Variants in LONP2 observed in about 807,000 individuals in gnomAD.
LONP2 encodes the protein lon protease homolog 2, peroxisomal.
A neutral mutation model predicts 85.6 loss-of-function variants in LONP2; 60 were observed. The observed-to-expected ratio is 0.70, with a 90% confidence interval of 0.57 to 0.87. The LOEUF (loss-of-function observed/expected upper bound fraction) is 0.87, where lower values mean the gene tolerates loss of function less well. LONP2 is among the 40% of genes least tolerant of loss of function. LONP2 has a pLI of 0.00. For missense variants in LONP2, 860 were observed against 1,063.5 expected, an observed-to-expected ratio of 0.81 and a Z score of 2.66; for synonymous variants, 395 against 389.7, an observed-to-expected ratio of 1.01 and a Z score of -0.16.
chr16:48,250,255 G>A (rs1251132698), intron 1 of LONP2, among the ~76,000 whole-genome samples: 2 of 151,630 alleles, frequency 1.3e-5, no homozygotes, highest in Admixed American at 6.6e-5. Flanking sequence ...GGCCAAGGTG[G>A]GCGAATCATG....
At chr16:48,348,457 AAAG>A (rs1358387922) in intron 14 of LONP2, among the ~76,000 whole-genome samples, 167 bp downstream of exon 14, 1 of 151,472 alleles carries the variant, frequency 6.6e-6, no homozygotes, top group African/African-American at 2.4e-5. Flanking sequence ...TGATCAAATA[AAAG>A]AAAAACTGAC....
At chr16:48,318,840 C>A (rs1567339438) in intron 11 of LONP2, among the ~76,000 whole-genome samples, 1 of 152,182 alleles carries the variant, frequency 6.6e-6, no homozygotes, top group Non-Finnish European at 1.5e-5. Flanking sequence ...GCTTTCAGAG[C>A]TCTTTGTTGT....
At chr16:48,330,218 G>C (rs1372500117) in intron 11 of LONP2, among the ~76,000 whole-genome samples, 1 of 152,124 alleles carries the variant, frequency 6.6e-6, no homozygotes, top group Non-Finnish European at 1.5e-5. Context: ...TCTTTTATAG[G>C]AGTATTAACC....
Position 48,357,133 on chromosome 16 carries a change from C to T in LONP2, c.*5331C>T, listed in dbSNP as rs1275982901. 6.6e-6 allele frequency: 1 copy of T among 152,276 alleles called. No homozygotes were observed. Among genetic ancestry groups the T allele is most frequent in the Non-Finnish European group, 1.5e-5 (1 of 68,102 alleles). 9.4% of individuals were successfully genotyped at this position (152,276 alleles called of 1,614,324 possible). On this transcript the variant is annotated 3_prime_UTR_variant, in exon 15 of 15. Coordinates refer to ENST00000285737, the MANE Select transcript of LONP2 (RefSeq NM_031490.5). Reference sequence around the variant, plus strand: ...AGCACTTTATAGCACATCTAGCCTTCCTCATTCCCTTACGCAGTGGACATC... The same window carrying T: ...AGCACTTTATAGCACATCTAGCCTTTCTCATTCCCTTACGCAGTGGACATC...
Position 48,277,325 on chromosome 16 carries a change from T to A in LONP2, c.1242-13T>A. 2 of 1,610,972 alleles carry A rather than the reference T, an allele frequency of 1.2e-6. No homozygotes were observed. Among genetic ancestry groups the A allele is most frequent in the Non-Finnish European group, 1.7e-6 (2 of 1,178,864 alleles). On this transcript the variant is annotated splice_polypyrimidine_tract_variant and intron_variant, in intron 7 of 14. Coordinates refer to ENST00000285737, the MANE Select transcript of LONP2 (RefSeq NM_031490.5). ...ACATCTCACACTGTGAATGTGCTAC[T>A]TGCTTTCTCTAGGCGCACCTATGTT...
At chr16:48,290,660 C>G (rs778877617) in intron 8 of LONP2, among the ~76,000 whole-genome samples, 1 of 152,210 alleles carries the variant, frequency 6.6e-6, no homozygotes, top group Non-Finnish European at 1.5e-5. Flanking sequence ...AGCACAGGAG[C>G]TTCCATCCCA....
At chr16:48,327,138 A>G (rs369855267) in intron 11 of LONP2, among the ~76,000 whole-genome samples, 1 of 152,226 alleles carries the variant, frequency 6.6e-6, no homozygotes, top group Non-Finnish European at 1.5e-5. Context: ...TGCTGTGTGC[A>G]TCTCTGCTGC....
chr16:48,280,425 C>A (rs1972301854), intron 8 of LONP2, among the ~76,000 whole-genome samples: 1 of 152,102 alleles, frequency 6.6e-6, no homozygotes, highest in Non-Finnish European at 1.5e-5. Context: ...AGTTGATAAA[C>A]AATATGTTTT....
At chr16:48,270,336 C>T in intron 7 of LONP2, 62 bp downstream of exon 7, 1 of 1,565,498 alleles carries the variant, frequency 6.4e-7, no homozygotes. Context: ...CTAGAGCTCC[C>T]TAAAAGCTTA....
chr16:48,283,271 C>G (rs1223053189), intron 8 of LONP2, among the ~76,000 whole-genome samples: 1 of 152,232 alleles, frequency 6.6e-6, no homozygotes, highest in Non-Finnish European at 1.5e-5. Flanking sequence ...TCCAGAACAT[C>G]TAGCTAACAT....
chr16:48,362,920 CTTCACCAGCCATGGATTGAAAA>C lies in LONP2; in HGVS notation c.*1059_*1080del, dbSNP rs2151044870. On this transcript the variant is annotated 3_prime_UTR_variant, in exon 5 of 5. Transcript: ENST00000565867. This position sits in a 1 kb window ranked among gnomAD's most constrained non-coding sequence, Gnocchi z 4.2. ...TATCCACACGGTCTGCATCCGAGGA[CTTCACCAGCCATGGATTGAAAA>C]TATTCAGAAAAATTTATAAAGAATA... 2 of 166,618 alleles carry C rather than the reference CTTCACCAGCCATGGATTGAAAA, an allele frequency of 1.2e-5. No individual in the cohort carries two copies. The highest frequency in any genetic ancestry group is 4.1e-4 in the South Asian group (2 of 4,862). The allele number at this position is 166,618 out of a possible 1,614,324, so 10.3% of individuals were successfully genotyped here.
At chr16:48,296,722 CAAAAAAA>C (rs911933648) in intron 9 of LONP2, among the ~76,000 whole-genome samples, 18 of 58,854 alleles carry the variant, frequency 3.1e-4, no homozygotes, top group Admixed American at 2.2e-3. Flanking sequence ...AACTCCATTT[CAAAAAAA>C]AAAAAAAAAA....
At chr16:48,359,058 G>A (rs1960478794), downstream of LONP2, among the ~76,000 whole-genome samples, 1 of 152,134 alleles carries the variant, frequency 6.6e-6, no homozygotes, top group Non-Finnish European at 1.5e-5. Flanking sequence ...TACGATCTTG[G>A]CTCACTGCAA....
At chr16:48,284,695 CAAAA>C (rs749665609) in intron 8 of LONP2, among the ~76,000 whole-genome samples, 3 of 150,250 alleles carry the variant, frequency 2.0e-5, no homozygotes, top group Non-Finnish European at 4.4e-5. Context: ...CACTGGGAAA[CAAAA>C]AAAAACATAC....
In LONP2 at chr16:48,244,485, G is replaced by C. The variant is rs766715474; in HGVS notation, c.97G>C (p.Val33Leu). The change falls in exon 1 of 15, where the codon GTG (valine) becomes CTG (leucine). Residue 33 changes from valine to leucine, a missense_variant. Physicochemically the swap from Val to Leu is conservative, Grantham distance 32. Coordinates refer to ENST00000285737, the MANE Select transcript of LONP2 (RefSeq NM_031490.5). The part of the protein sequence containing the change: ...LLPGSTMRTS[V>L]DSARNLQLVR... ...GCCCGGCTCCACCATGCGCACCAGC[G>C]TGGACTCGGCCCGCAACCTGCAGCT... The C allele has an allele frequency of 4.4e-6, 7 of 1,599,934 alleles. No homozygotes were observed. The highest frequency in any genetic ancestry group is 4.0e-5 in the African/African-American group (3 of 74,496).
At chr16:48,282,151 G>A (rs542684424) in intron 8 of LONP2, among the ~76,000 whole-genome samples, 2 of 152,086 alleles carry the variant, frequency 1.3e-5, no homozygotes, top group Non-Finnish European at 2.9e-5. Context: ...GCTCACGCCT[G>A]TAATCCTAGC....
chr16:48,358,200 T>C (rs1048826190), downstream of LONP2, among the ~76,000 whole-genome samples: 7 of 152,124 alleles, frequency 4.6e-5, no homozygotes, highest in African/African-American at 1.7e-4. Context: ...AAACACAAAA[T>C]GTACTACCTT....
intron 14 of LONP2, 78 bp from the exon 15 acceptor site, chr16:48,351,503 G>C: frequency 2.6e-6 from 3 of 1,132,878 alleles, no homozygotes; most frequent in Admixed American, 4.9e-5. Context: ...GTTAAATTCA[G>C]TGAAAGAAAG....
chr16:48,320,315 G>A (rs1036537070), intron 11 of LONP2, among the ~76,000 whole-genome samples: 3 of 152,102 alleles, frequency 2.0e-5, no homozygotes, highest in African/African-American at 4.8e-5. Context: ...AGTATTTAAA[G>A]TCTTGTTTCA....
Sources: allele counts gnomAD v4.1 joint callset (sites outside exome capture counted in the v4.1 genomes callset), GRCh38; gene constraint gnomAD v4.1.1; non-coding constraint Gnocchi (gnomAD v3.1); transcripts MANE v1.5; gene names NCBI Gene and HGNC (gene_info 2026-07-23, HGNC 2026-07-21).